The following SUPT16H variants were observed in gnomAD, a reference collection of about 807,000 sequenced individuals.
The protein encoded by SUPT16H is SPT16 homolog, facilitates chromatin remodeling subunit.
SUPT16H carries 24 observed loss-of-function variants against 136.2 expected under a neutral mutation model. The observed-to-expected ratio is 0.18, with a 90% CI of 0.13 to 0.25. The LOEUF (loss-of-function observed/expected upper bound fraction) is 0.25. SUPT16H is among the 10% of genes least tolerant of loss of function. The pLI is 1.00. For missense variants in SUPT16H, 623 were observed against 1,270.2 expected (o/e 0.49, Z 7.74); for synonymous variants, 415 against 428.2 (o/e 0.97, Z 0.38).
rs1013190691 is a variant in SUPT16H at position 21,351,814 on chromosome 14, T to G, written c.*859A>C. On this transcript the variant is annotated 3_prime_UTR_variant, in exon 26 of 26. Transcript: ENST00000216297. ...GTTGTAGATATGGCCTCCCTTCCTC[T>G]TCTCTTTTCTCATCAGGGTATTCTA... is the stretch of plus-strand genomic sequence containing the variant. 1 of 152,972 alleles carries G rather than the reference T, an allele frequency of 6.5e-6. No homozygotes were observed. The highest frequency in any genetic ancestry group is 2.4e-5 in the African/African-American group (1 of 41,468). The allele number at this position is 152,972 out of a possible 1,614,324, so 9.5% of individuals were successfully genotyped here. A position where few individuals can be genotyped will look rare whatever the true frequency, so the allele number is the denominator to read the frequency against.
At position 21,368,425 on chromosome 14, in the gene SUPT16H, G is replaced by A. The variant is rs1886716724; in HGVS notation, c.799C>T (p.His267Tyr). The change falls in exon 7 of 26, where the codon CAC (histidine) becomes TAC (tyrosine). Residue 267 changes from histidine (H) to tyrosine (Y), a missense_variant. By Grantham distance (83) the His-to-Tyr change is moderately conservative. Around this residue, in one of 7 missense-constraint regions of SUPT16H, gnomAD observed 343 missense variants for 525.7 expected, o/e 0.65. Coordinates refer to ENST00000216297, the MANE Select transcript of SUPT16H (RefSeq NM_007192.4). The part of the protein sequence containing the change: ...FSVVSDKNHM[H>Y]FGAITCAMGI... Reference sequence around the variant, plus strand: ...ATGGCACAAGTGATAGCCCCAAAGTGCATATGATTCTTGTCACTAGAGACC... The same window carrying A: ...ATGGCACAAGTGATAGCCCCAAAGTACATATGATTCTTGTCACTAGAGACC... 1 of 1,608,568 alleles carries A rather than the reference G, an allele frequency of 6.2e-7. No homozygotes were observed. Among genetic ancestry groups the A allele is most frequent in the African/African-American group, 1.3e-5 (1 of 74,620 alleles).
intron 14 of SUPT16H, 33 bp downstream of exon 14, chr14:21,362,761 T>C (rs1886583904): frequency 1.3e-6 from 2 of 1,565,840 alleles, no homozygotes; most frequent in Non-Finnish European, 1.7e-6. Context: ...AAGCAACAGT[T>C]TGGATGAAAC....
chr14:21,378,300 T>A (rs1886948983), intron 1 of SUPT16H, among the ~76,000 whole-genome samples: 2 of 152,180 alleles, frequency 1.3e-5, no homozygotes, highest in Non-Finnish European at 2.9e-5. Flanking sequence ...GGGAGACTTT[T>A]TTTAAAGGAG....
chr14:21,360,649 CT>C, intron 17 of SUPT16H, 116 bp from the exon 18 acceptor site: 1 of 1,189,014 alleles, frequency 8.4e-7, no homozygotes, highest in Non-Finnish European at 1.2e-6. Context: ...CTGTATAGAG[CT>C]TTCCTTTCCT....
intron 25 of SUPT16H, among the ~76,000 whole-genome samples, chr14:21,353,025 C>T (rs896575285): frequency 6.6e-6 from 1 of 152,080 alleles, no homozygotes; most frequent in Non-Finnish European, 1.5e-5. Flanking sequence ...TACCTATTCC[C>T]AATGCTTGGA....
intron 22 of SUPT16H, among the ~76,000 whole-genome samples, chr14:21,355,217 G>A (rs1408171027): frequency 2.0e-5 from 3 of 152,048 alleles, no homozygotes; most frequent in African/African-American, 4.8e-5. Flanking sequence ...ATTTTCAGCC[G>A]GGTGCGGTGG....
intron 1 of SUPT16H, 24 bp downstream of exon 1, chr14:21,383,838 G>C (rs1446051128): frequency 1.9e-6 from 3 of 1,613,846 alleles, no homozygotes; most frequent in Non-Finnish European, 2.5e-6. Flanking sequence ...GGCTCCCTAG[G>C]AAAAATTACA....
rs370921118 is a variant in SUPT16H, at chr14:21,371,786, G to A, written c.330+88C>T. The A allele has an allele frequency of 6.2e-5, 92 of 1,480,588 alleles. No homozygotes were observed. In the African/African-American group the frequency reaches 7.2e-4, roughly 12 times the overall value. The allele number at this position is 1,480,588 out of a possible 1,614,324, so 91.7% of individuals were successfully genotyped here. On this transcript the variant is annotated intron_variant, in intron 3 of 25. Transcript: ENST00000216297. ...CACAGCCACCTATAATTTCCCCTGCGCATTCTTTCAAACTCCTATAAGGCA... is the reference window on the plus strand; with the variant it reads ...CACAGCCACCTATAATTTCCCCTGCACATTCTTTCAAACTCCTATAAGGCA...
At chr14:21,359,154 GT>G (rs1443109894) in intron 19 of SUPT16H, among the ~76,000 whole-genome samples, 1 of 151,898 alleles carries the variant, frequency 6.6e-6, no homozygotes, top group African/African-American at 2.4e-5. Flanking sequence ...CTGGAGTGCA[GT>G]GGCGCTATCT....
intron 6 of SUPT16H, 130 bp downstream of exon 6, chr14:21,369,074 A>G: frequency 1.0e-6 from 1 of 988,030 alleles, no homozygotes; most frequent in Non-Finnish European, 1.4e-6. Context: ...CAAGATAATG[A>G]CTTGGTAACA....
At chr14:21,369,637 T>G in intron 5 of SUPT16H, 113 bp downstream of exon 5, 2 of 1,373,278 alleles carry the variant, frequency 1.5e-6, no homozygotes, top group Non-Finnish European at 2.0e-6. Context: ...TACCACCAAC[T>G]TAAGTGTCAG....
intron 1 of SUPT16H, among the ~76,000 whole-genome samples, chr14:21,380,705 T>C (rs575462081): frequency 6.6e-6 from 1 of 152,238 alleles, no homozygotes; most frequent in South Asian, 2.1e-4. Flanking sequence ...TATGGAATTC[T>C]TCAAGAAAAA....
chr14:21,357,872 CCTT>C (rs1886468435), intron 21 of SUPT16H, 52 bp downstream of exon 21: 3 of 1,501,940 alleles, frequency 2.0e-6, no homozygotes, highest in African/African-American at 1.4e-5. Context: ...AAACACCTAT[CCTT>C]CTTTATTTTC....
chr14:21,374,455 A>G (rs1482725085), intron 1 of SUPT16H, among the ~76,000 whole-genome samples: 1 of 152,260 alleles, frequency 6.6e-6, no homozygotes, highest in East Asian at 1.9e-4. Context: ...ATTTTGGAAC[A>G]TTTTAATCTC....
chr14:21,368,524 C>G (rs1886719870), intron 6 of SUPT16H, 83 bp from the exon 7 acceptor site: 2 of 1,392,886 alleles, frequency 1.4e-6, no homozygotes, highest in South Asian at 3.1e-5. Flanking sequence ...TATCAATAAT[C>G]ATTACTTTTC....
rs569514659 is a variant in SUPT16H, at chr14:21,370,238, G to A, written c.483+98C>T. ...GGGATAAAATGTAAACAAACATACA[G>A]TTTTCCCAAAACAAACGTCCTGCAC... On this transcript the variant is annotated intron_variant, in intron 4 of 25. Transcript: ENST00000216297. The A allele has an allele frequency of 5.6e-6, 8 of 1,431,498 alleles. No individual in the cohort carries two copies. In the Admixed American group the frequency reaches 1.6e-4, roughly 28 times the overall value. 88.7% of individuals were successfully genotyped at this position (1,431,498 alleles called of 1,614,324 possible). A position where few individuals can be genotyped will look rare whatever the true frequency, so the allele number is the denominator to read the frequency against.
chr14:21,354,262 A>C (rs1886381481), intron 23 of SUPT16H, 149 bp downstream of exon 23: 1 of 927,112 alleles, frequency 1.1e-6, no homozygotes, highest in African/African-American at 1.7e-5. Context: ...CAATCAATTT[A>C]TCAATTTGAA....
chr14:21,374,033 T>G (rs1886844946), intron 1 of SUPT16H, among the ~76,000 whole-genome samples: 1 of 152,252 alleles, frequency 6.6e-6, no homozygotes, highest in African/African-American at 2.4e-5. Context: ...TGGGCCAAAC[T>G]AATTTTTTAT....
chr14:21,377,460 C>T (rs1245843619), intron 1 of SUPT16H, among the ~76,000 whole-genome samples: 1 of 152,184 alleles, frequency 6.6e-6, no homozygotes, highest in Non-Finnish European at 1.5e-5. Flanking sequence ...TTTATACCTA[C>T]TGCATTAACA....
Sources: gnomAD v4.1 joint callset for allele counts (sites outside exome capture counted in the v4.1 genomes callset) on GRCh38, gnomAD v4.1.1 for gene constraint, gnomAD v4.1.1 regional missense constraint, MANE v1.5 for transcripts, NCBI Gene and HGNC (gene_info 2026-07-23, HGNC 2026-07-21) for gene names.